RAB17: variants seen among roughly 807,000 people sequenced by gnomAD.
RAB17 encodes ras-related protein Rab-17.
RAB17 carries 15 observed loss-of-function variants against 19.3 expected under a neutral mutation model. The observed-to-expected ratio is 0.78, with a 90% CI of 0.52 to 1.20. The LOEUF (loss-of-function observed/expected upper bound fraction) is 1.20, where lower values mean the gene tolerates loss of function less well. Among genes scored for constraint, RAB17 ranks in the 50% most tolerant of loss-of-function variants. RAB17 has a pLI of 0.00. For missense variants in RAB17, 262 were observed against 269.3 expected (o/e 0.97, Z 0.19); for synonymous variants, 110 against 112.8 (o/e 0.97, Z 0.16).
At position 237,578,059 on chromosome 2, in the gene RAB17, T is replaced by C. The variant is rs927055632; in HGVS notation, c.254A>G (p.His85Arg). ...AGCGTTGGCACCCCTGAAGTAGAGG[T>C]GGCAGACGCTGTGGTACTTCTCCTG... ...AGQEKYHSVC[H>R]LYFRGANAAL... The change falls in exon 3 of 6, where the codon CAC becomes CGC. Residue 85 changes from histidine to arginine, a missense_variant. Physicochemically the swap from His to Arg is conservative, Grantham distance 29 (BLOSUM62 0). Coordinates refer to ENST00000264601, the MANE Select transcript of RAB17 (RefSeq NM_022449.4). 3.1e-6 allele frequency: 5 copies of C among 1,613,634 alleles called. No homozygotes were observed. The highest frequency in any genetic ancestry group is 4.2e-6 in the Non-Finnish European group (5 of 1,179,606).
In RAB17 at chr2:237,582,114, G is replaced by C. The variant is rs115207338; in HGVS notation, c.157+3884C>G. Reference sequence around the variant, plus strand: ...CGTCCCTCGGACTCCCGTCCGTTCTGCCTCTGCTCCTGCCTGCTCTTCTGG... The same window carrying C: ...CGTCCCTCGGACTCCCGTCCGTTCTCCCTCTGCTCCTGCCTGCTCTTCTGG... On this transcript the variant is annotated intron_variant, in intron 2 of 5. Transcript: ENST00000264601. 8.2e-3 allele frequency among the ~76,000 whole-genome samples: 1,243 copies of C among 152,372 alleles called. 16 individuals carry two copies. The highest frequency in any genetic ancestry group is 0.028 in the African/African-American group (1,178 of 41,590).
intron 4 of RAB17, 80 bp downstream of exon 4, chr2:237,577,177 G>A: frequency 6.6e-7 from 1 of 1,524,248 alleles, no homozygotes; most frequent in Non-Finnish European, 8.8e-7. Flanking sequence ...GTATGAAAGT[G>A]TGAGTGCCAA....
At chr2:237,578,819 C>T (rs2081286543) in intron 2 of RAB17, 1 of 152,314 alleles carries the variant, frequency 6.6e-6, no homozygotes, top group Admixed American at 6.5e-5. Context: ...CATACACACC[C>T]AGAGGCAAGG....
Position 237,577,136 on chromosome 2 carries a change from T to C in RAB17, c.435+121A>G. On this transcript the variant is annotated intron_variant, in intron 4 of 5. Transcript: ENST00000264601. The stretch of plus-strand genomic sequence containing the variant: ...GGGCGTGTAGAGGTGTGTGTGCACA[T>C]GTGTAAGTGTGTGCGTGTGTGGGTG... The C allele has an allele frequency of 2.5e-6, 3 of 1,186,758 alleles. No individual in the cohort carries two copies. The South Asian group carries it at 4.4e-5, about 17-fold the overall frequency. The allele number at this position is 1,186,758 out of a possible 1,614,324, so 73.5% of individuals were successfully genotyped here.
At chr2:237,575,503 C>T in intron 4 of RAB17, 23 bp from the exon 5 acceptor site, 1 of 1,573,446 alleles carries the variant, frequency 6.4e-7, no homozygotes, top group Non-Finnish European at 8.7e-7. Context: ...GCCACAAAAT[C>T]CAGCGCTGTT....
chr2:237,576,200 C>T (rs2081261567), intron 4 of RAB17, among the ~76,000 whole-genome samples: 1 of 152,148 alleles, frequency 6.6e-6, no homozygotes, highest in African/African-American at 2.4e-5. Flanking sequence ...GCACCATCCA[C>T]CATCGTGAGT....
chr2:237,577,819 G>A (rs892499951), intron 3 of RAB17, 185 bp downstream of exon 3: 3 of 667,724 alleles, frequency 4.5e-6, no homozygotes, highest in Non-Finnish European at 7.7e-6. Flanking sequence ...GTGGACCACG[G>A]AGGAGCAGAA....
chr2:237,575,661 G>T (rs1216807343), intron 4 of RAB17, 181 bp from the exon 5 acceptor site: 5 of 575,752 alleles, frequency 8.7e-6, no homozygotes, highest in Admixed American at 8.6e-5. Context: ...GAGGGGCGGG[G>T]TGTGCTCCCT....
Position 237,575,462 on chromosome 2 carries a change from C to A in RAB17, c.454G>T (p.Asp152Tyr). The A allele has an allele frequency of 6.2e-7, 1 of 1,611,076 alleles. No individual in the cohort carries two copies. Among genetic ancestry groups the A allele is most frequent in the Non-Finnish European group, 8.5e-7 (1 of 1,178,918 alleles). Residue 152 changes from aspartate (D) to tyrosine (Y), a missense_variant, in exon 5 of 6, where the codon GAC (aspartate) becomes TAC (tyrosine). By Grantham distance (160) the Asp-to-Tyr change is radical (BLOSUM62 -3). Transcript: ENST00000264601. ...TCCATGAACAGCAACTTCTGGCTGT[C>A]GGCAAACTCCTTCCCTTCCTGAAGG... is the stretch of plus-strand genomic sequence containing the variant. ...VTFQEGKEFA[D>Y]SQKLLFMETS...
At chr2:237,585,937 G>A (rs1231561486) in intron 2 of RAB17, 61 bp downstream of exon 2, 2 of 1,487,664 alleles carry the variant, frequency 1.3e-6, no homozygotes, top group Non-Finnish European at 1.8e-6. Flanking sequence ...CCCCAGGTGT[G>A]GGTCAGCAGC....
chr2:237,578,899 T>TC (rs2081287192), intron 2 of RAB17: 2 of 91,906 alleles, frequency 2.2e-5, no homozygotes, highest in African/African-American at 5.2e-5. Context: ...TGTACCTGCT[T>TC]AACACACACA....
chr2:237,577,161 G>A (rs1307708087), intron 4 of RAB17, 96 bp downstream of exon 4: 44 of 1,442,650 alleles, frequency 3.0e-5, no homozygotes, highest in Non-Finnish European at 4.0e-5. Context: ...GTGTGTGGGT[G>A]TGCGTGTATG....
chr2:237,577,103 A>G (rs2149182028), intron 4 of RAB17, among the ~76,000 whole-genome samples, 154 bp downstream of exon 4: 1 of 152,054 alleles, frequency 6.6e-6, no homozygotes, highest in Non-Finnish European at 1.5e-5. Context: ...ATGTGTGTAA[A>G]TGCATGTGGG....
At chr2:237,582,060 G>A (rs1457929739) in intron 2 of RAB17, among the ~76,000 whole-genome samples, 1 of 152,262 alleles carries the variant, frequency 6.6e-6, no homozygotes, top group South Asian at 2.1e-4. Context: ...TGGCGGGGGT[G>A]GGCGGGAGGC....
At position 237,586,111 on chromosome 2, in the gene RAB17, C is replaced by T. The variant is rs1395059782; in HGVS notation, c.44G>A (p.Ser15Asn). ...AACCAGCTTGAACACACGGGGCTGG[C>T]TGGGGGCAGCCCTGGGCTGGGGGGT... ...HRTPQPRAAP[S>N]QPRVFKLVLL... The change falls in exon 2 of 6, where the codon AGC becomes AAC. Residue 15 changes from serine (S) to asparagine (N), a missense_variant. Transcript: ENST00000264601. The T allele has an allele frequency of 6.2e-7, 1 of 1,612,024 alleles. No individual in the cohort carries two copies. The highest frequency in any genetic ancestry group is 1.7e-5 in the Admixed American group (1 of 59,806).
chr2:237,584,996 C>T (rs2081338443), intron 2 of RAB17, among the ~76,000 whole-genome samples: 1 of 152,206 alleles, frequency 6.6e-6, no homozygotes, highest in Non-Finnish European at 1.5e-5. Flanking sequence ...GCCAGGCAGA[C>T]CCCTGCCAAT....
chr2:237,580,534 T>C (rs558965862), intron 2 of RAB17, among the ~76,000 whole-genome samples: 3 of 151,574 alleles, frequency 2.0e-5, no homozygotes, highest in Non-Finnish European at 4.4e-5. Flanking sequence ...TGAGGTCGAG[T>C]TCAAGACCAG....
intron 4 of RAB17, among the ~76,000 whole-genome samples, 170 bp downstream of exon 4, chr2:237,577,087 G>T (rs117941929): frequency 6.6e-6 from 1 of 152,006 alleles, no homozygotes; most frequent in Non-Finnish European, 1.5e-5. Context: ...AATGTGGGGG[G>T]TGTGCATGTG....
intron 2 of RAB17, among the ~76,000 whole-genome samples, chr2:237,580,741 G>A (rs1372521025): frequency 1.4e-5 from 2 of 144,548 alleles, no homozygotes; most frequent in Non-Finnish European, 3.0e-5. Flanking sequence ...GTGAGACTCT[G>A]CCTCAAAAAA....
Sources: allele counts gnomAD v4.1 joint callset (sites outside exome capture counted in the v4.1 genomes callset), GRCh38; gene constraint gnomAD v4.1.1; transcripts MANE v1.5; gene names NCBI Gene and HGNC (gene_info 2026-07-23, HGNC 2026-07-21).